NIBAN1: variants seen among roughly 807,000 people sequenced by gnomAD.
The protein encoded by NIBAN1 is niban apoptosis regulator 1, also known as protein Niban 1.
Under a neutral mutation model 75.1 loss-of-function variants are expected in NIBAN1, and 81 were observed. The observed-to-expected ratio is 1.08, with a 90% CI of 0.90 to 1.30. The LOEUF (loss-of-function observed/expected upper bound fraction) is 1.30. NIBAN1 is among the 50% of genes most tolerant of loss of function. The probability of loss-of-function intolerance (pLI) is 0.00; values close to 1 mark genes in which losing one functional copy is unlikely to be tolerated. For synonymous variants in NIBAN1, 436 were observed against 424.8 expected (o/e 1.03, Z -0.32); for missense variants, 1,133 against 1,128.1 (o/e 1.00, Z -0.06).
chr1:184,890,871 C>A (rs112076378), intron 3 of NIBAN1, among the ~76,000 whole-genome samples: 24 of 152,254 alleles, frequency 1.6e-4, no homozygotes, highest in Non-Finnish European at 2.4e-4. Flanking sequence ...CAGGGCATTG[C>A]CAAAGCAGTT....
At chr1:184,935,269 C>T (rs1471116172) in intron 1 of NIBAN1, among the ~76,000 whole-genome samples, 1 of 152,068 alleles carries the variant, frequency 6.6e-6, no homozygotes, top group African/African-American at 2.4e-5. Flanking sequence ...CTTTGGGAGG[C>T]TGAGGTGGGA....
intron 1 of NIBAN1, among the ~76,000 whole-genome samples, chr1:184,955,075 A>C (rs999332404): frequency 4.6e-5 from 7 of 152,224 alleles, no homozygotes; most frequent in Non-Finnish European, 1.0e-4. Flanking sequence ...TCATAGGGCC[A>C]AAATTGTATT....
At chr1:184,829,924 C>T (rs1195124935) in intron 6 of NIBAN1, among the ~76,000 whole-genome samples, 1 of 152,190 alleles carries the variant, frequency 6.6e-6, no homozygotes, top group African/African-American at 2.4e-5. Flanking sequence ...TGGTCTTTCA[C>T]TCGGCCAGGA....
intron 1 of NIBAN1, among the ~76,000 whole-genome samples, chr1:184,919,668 G>C (rs1038081849): frequency 6.6e-6 from 1 of 152,016 alleles, no homozygotes; most frequent in Admixed American, 6.6e-5. Context: ...AAGGGTTTCC[G>C]TGGTACTTTG....
At chr1:184,920,058 G>T (rs1416489435) in intron 1 of NIBAN1, among the ~76,000 whole-genome samples, 4 of 152,090 alleles carry the variant, frequency 2.6e-5, no homozygotes, top group African/African-American at 9.7e-5. Flanking sequence ...GACAGGAAAT[G>T]CAGCAAACTT....
Position 184,827,559 on chromosome 1 carries a change from A to AGTTTTTTT in NIBAN1, c.718-3825_718-3818dup, listed in dbSNP as rs1654874494. On this transcript the variant is annotated intron_variant, in intron 6 of 13. Transcript: ENST00000367511. ...AACATAAGTGACCTAAAAATACTTCAGTTTTTTTTTTTTTTAATGGGGGGT... is the reference window on the plus strand; with the variant it reads ...AACATAAGTGACCTAAAAATACTTCAGTTTTTTTGTTTTTTTTTTTTTTAATGGGGGGT... Among the ~76,000 whole-genome samples the AGTTTTTTT allele has an allele frequency of 1.6e-4, 4 of 24,414 alleles. 1 individual carries two copies. The South Asian group carries it at 2.8e-3, about 17-fold the overall frequency. The allele number at this position is 24,414 out of a possible 152,430, so 16.0% of individuals were successfully genotyped here.
intron 9 of NIBAN1, among the ~76,000 whole-genome samples, chr1:184,813,005 A>G (rs972339851): frequency 1.3e-5 from 2 of 152,226 alleles, no homozygotes; most frequent in African/African-American, 4.8e-5. Context: ...GAAATTTTAA[A>G]AATACTTTAT....
chr1:184,796,027 A>T lies in NIBAN1; in HGVS notation c.1737T>A (p.Ser579Arg), dbSNP rs772781561. The T allele has an allele frequency of 6.2e-7, 1 of 1,609,602 alleles. No homozygotes were observed. Among genetic ancestry groups the T allele is most frequent in the Non-Finnish European group, 8.5e-7 (1 of 1,179,150 alleles). The part of the protein sequence containing the change: ...FEDNMALPSE[S>R]VSSLTDLKPP... ...GCTTTAGATCTGTTAAGCTGGACAC[A>T]CTTTCACTGGGCAAGGCCATGTTAT... is the stretch of plus-strand genomic sequence containing the variant. The change falls in exon 14 of 14, where the codon AGT (serine) becomes AGA (arginine). Residue 579 changes from serine to arginine, a missense_variant. Ser to Arg is a moderately radical substitution (Grantham distance 110). Transcript: ENST00000367511.
chr1:184,843,930 T>G (rs1289428480), intron 5 of NIBAN1, among the ~76,000 whole-genome samples: 1 of 152,216 alleles, frequency 6.6e-6, no homozygotes, highest in African/African-American at 2.4e-5. Context: ...CACGTGCCTC[T>G]CAGTGACGTT....
At chr1:184,899,439 G>A in intron 1 of NIBAN1, 130 bp from the exon 2 acceptor site, 4 of 920,904 alleles carry the variant, frequency 4.3e-6, no homozygotes, top group African/African-American at 1.7e-5. Flanking sequence ...TATCCCTCCA[G>A]TCACCCCTGT....
chr1:184,889,325 C>T (rs1403754632), intron 4 of NIBAN1, among the ~76,000 whole-genome samples: 2 of 152,166 alleles, frequency 1.3e-5, no homozygotes, highest in Non-Finnish European at 2.9e-5. Context: ...CAGCAGCCGG[C>T]TAAGCTAAAG....
rs896216193 is a variant in NIBAN1, at chr1:184,792,429, G to A, written c.*2548C>T. ...TGAAAAAAATCTCTTAGCTTTCCAG[G>A]GGGTGCAAGAAGCCCTGCATTGAGC... On this transcript the variant is annotated 3_prime_UTR_variant, in exon 14 of 14. Coordinates refer to ENST00000367511, the MANE Select transcript of NIBAN1 (RefSeq NM_052966.4). 2.0e-5 allele frequency: 3 copies of A among 152,690 alleles called. No individual in the cohort carries two copies. Among genetic ancestry groups the A allele is most frequent in the African/African-American group, 7.2e-5 (3 of 41,462 alleles). 9.5% of individuals were successfully genotyped at this position (152,690 alleles called of 1,614,324 possible). A position where few individuals can be genotyped will look rare whatever the true frequency, so the allele number is the denominator to read the frequency against.
At chr1:184,879,469 T>G (rs1345694110) in intron 5 of NIBAN1, among the ~76,000 whole-genome samples, 1 of 152,138 alleles carries the variant, frequency 6.6e-6, no homozygotes, top group African/African-American at 2.4e-5. Flanking sequence ...TATAATTGAT[T>G]GATCTCCACA....
At position 184,795,295 on chromosome 1, in the gene NIBAN1, A is replaced by T; in HGVS notation, c.2469T>A (p.Thr823=). ...ACTTGCCCCCTCTTCCTTCATGGGC[A>T]GTGAGTGTGCAGGCCTCTCCTGGGA... ...GELPGEACTL[T]AHEGRGGKCT... The change falls in exon 14 of 14, where the codon ACT becomes ACA. Residue 823 remains threonine, a synonymous_variant. Transcript: ENST00000367511. 2.5e-6 allele frequency: 4 copies of T among 1,612,636 alleles called. No individual in the cohort carries two copies. The highest frequency in any genetic ancestry group is 3.4e-6 in the Non-Finnish European group (4 of 1,180,010).
chr1:184,883,254 C>T (rs1247907465), intron 5 of NIBAN1, among the ~76,000 whole-genome samples: 1 of 152,220 alleles, frequency 6.6e-6, no homozygotes, highest in East Asian at 1.9e-4. Flanking sequence ...TTCGGCACTC[C>T]TTTCTTCACT....
At chr1:184,867,973 G>A (rs1656001834) in intron 5 of NIBAN1, 1 of 985,282 alleles carries the variant, frequency 1.0e-6, no homozygotes, top group South Asian at 4.7e-5. Context: ...GAAAGGTGGG[G>A]AAGGAAAAAA....
intron 5 of NIBAN1, among the ~76,000 whole-genome samples, chr1:184,879,495 C>G (rs563466285): frequency 6.6e-6 from 1 of 152,170 alleles, no homozygotes; most frequent in Admixed American, 6.5e-5. Flanking sequence ...TGCATAGTCT[C>G]TCAAGTAATG....
In NIBAN1 at chr1:184,845,771, C is replaced by A. The variant is rs576478529; in HGVS notation, c.602-13809G>T. On this transcript the variant is annotated intron_variant, in intron 5 of 13. Transcript: ENST00000367511. ...GGCGCAGGCCAGTGTGTGTGCGCAC[C>A]GTGCGCGAGCCGAAGCAGGGCGAGG... is the stretch of plus-strand genomic sequence containing the variant. Among the ~76,000 whole-genome samples the A allele has an allele frequency of 2.9e-3, 244 of 84,804 alleles. 85 individuals carry two copies. Among genetic ancestry groups the A allele is most frequent in the African/African-American group, 0.014 (240 of 17,750 alleles). The allele number at this position is 84,804 out of a possible 152,430, so 55.6% of individuals were successfully genotyped here. A position where few individuals can be genotyped will look rare whatever the true frequency, so the allele number is the denominator to read the frequency against.
intron 5 of NIBAN1, among the ~76,000 whole-genome samples, chr1:184,852,664 G>A (rs896301402): frequency 4.6e-5 from 7 of 152,170 alleles, no homozygotes; most frequent in African/African-American, 1.4e-4. Flanking sequence ...TGAAAGTACC[G>A]TCAGTTGTAT....
Sources: gnomAD v4.1 joint callset for allele counts (sites outside exome capture counted in the v4.1 genomes callset) on GRCh38, gnomAD v4.1.1 for gene constraint, MANE v1.5 for transcripts, NCBI Gene and HGNC (gene_info 2026-07-23, HGNC 2026-07-21) for gene names.